FAM135B: variants seen among roughly 807,000 people sequenced by gnomAD.
The protein encoded by FAM135B is family with sequence similarity 135 member B.
Under a neutral mutation model 127.7 loss-of-function variants are expected in FAM135B, and 43 were observed. That is an observed-to-expected ratio of 0.34 (90% CI 0.26 to 0.43). The LOEUF (loss-of-function observed/expected upper bound fraction) is 0.43. Ranked by LOEUF, FAM135B falls within the 20% of genes least tolerant of loss-of-function variation. FAM135B has a pLI of 1.00. For missense variants in FAM135B, 1,558 were observed against 1,725.6 expected (o/e 0.90, Z 1.72); for synonymous variants, 670 against 665.1 (o/e 1.01, Z -0.11).
chr8:138,296,551 T>C (rs1825495531), intron 3 of FAM135B, among the ~76,000 whole-genome samples: 1 of 152,354 alleles, frequency 6.6e-6, no homozygotes, highest in Middle Eastern at 3.4e-3. Context: ...ATGGGTAGCA[T>C]TTGCTGAAGA....
At chr8:138,335,950 A>T (rs1828546818) in intron 2 of FAM135B, among the ~76,000 whole-genome samples, 2 of 152,274 alleles carry the variant, frequency 1.3e-5, no homozygotes, top group South Asian at 2.1e-4. Flanking sequence ...GGATTAAGAA[A>T]CTCACTCAAA....
At chr8:138,316,807 C>T (rs6984602) in intron 2 of FAM135B, among the ~76,000 whole-genome samples, 104,050 of 151,674 alleles carry the variant, frequency 0.69, 36,957 homozygotes, top group Non-Finnish European at 0.79. Context: ...GGTGAAACCC[C>T]GTCTCTACTA....
intron 1 of FAM135B, among the ~76,000 whole-genome samples, chr8:138,490,908 C>A (rs1411104820): frequency 6.6e-6 from 1 of 151,882 alleles, no homozygotes; most frequent in African/African-American, 2.4e-5. Flanking sequence ...TTTGGGGGGC[C>A]GAGGCGGGTG....
At chr8:138,479,346 C>T (rs1407953324) in intron 1 of FAM135B, among the ~76,000 whole-genome samples, 2 of 152,104 alleles carry the variant, frequency 1.3e-5, no homozygotes, top group South Asian at 2.1e-4. Flanking sequence ...GTTGGGAGGC[C>T]GGGGGTCTGG....
intron 3 of FAM135B, among the ~76,000 whole-genome samples, chr8:138,283,687 C>G (rs940080607): frequency 4.6e-5 from 7 of 151,832 alleles, no homozygotes; most frequent in Non-Finnish European, 1.0e-4. Context: ...AGGCCTTAGT[C>G]GAATACGAAA....
intron 8 of FAM135B, among the ~76,000 whole-genome samples, chr8:138,196,853 TG>T (rs1398126555): frequency 6.6e-6 from 1 of 152,186 alleles, no homozygotes; most frequent in Non-Finnish European, 1.5e-5. Context: ...TGAGCTGTCA[TG>T]GTTCTGCCAC....
intron 7 of FAM135B, among the ~76,000 whole-genome samples, chr8:138,206,106 TCACCTCCACCTACACACAGGCCAGC>T (rs1817534473): frequency 1.2e-5 from 1 of 86,692 alleles, no homozygotes; most frequent in Non-Finnish European, 2.4e-5. Context: ...GGCTCCAGCA[TCACCTCCACCTACACACAGGCCAGC>T]AGCACCTCCA....
chr8:138,486,239 T>C (rs1814979740), intron 1 of FAM135B, among the ~76,000 whole-genome samples: 1 of 151,812 alleles, frequency 6.6e-6, no homozygotes, highest in Admixed American at 6.6e-5. Flanking sequence ...CATGGCAAAG[T>C]TTCAGGAGAC....
chr8:138,363,339 A>G (rs1272384749), intron 2 of FAM135B, among the ~76,000 whole-genome samples: 1 of 152,134 alleles, frequency 6.6e-6, no homozygotes, highest in East Asian at 1.9e-4. Context: ...GCCCCACAAG[A>G]CAGACTTTGT....
chr8:138,164,292 G>A (rs1157110086), intron 12 of FAM135B, among the ~76,000 whole-genome samples: 1 of 152,096 alleles, frequency 6.6e-6, no homozygotes, highest in Non-Finnish European at 1.5e-5. Context: ...CAGGTCAGAG[G>A]TCCATGGAGA....
At chr8:138,227,211 A>C (rs1489178686) in intron 7 of FAM135B, among the ~76,000 whole-genome samples, 1 of 152,250 alleles carries the variant, frequency 6.6e-6, no homozygotes, top group Non-Finnish European at 1.5e-5. Context: ...ACCTCTGCTC[A>C]AATATGGATG....
At chr8:138,370,407 G>C (rs889353555) in intron 1 of FAM135B, among the ~76,000 whole-genome samples, 1 of 152,126 alleles carries the variant, frequency 6.6e-6, no homozygotes, top group Non-Finnish European at 1.5e-5. Flanking sequence ...CCATAATGCA[G>C]TGAGGAAGAT....
intron 1 of FAM135B, among the ~76,000 whole-genome samples, chr8:138,388,052 CAAT>C (rs1446590165): frequency 1.3e-5 from 2 of 152,118 alleles, no homozygotes; most frequent in Non-Finnish European, 2.9e-5. Flanking sequence ...ATTAAAACCA[CAAT>C]GAGATACCCC....
rs183899922 is a variant in FAM135B, at chr8:138,406,438, C to T, written c.-19-38436G>A. ...GCCAGCATCATCCTGATACCAAAGC[C>T]GGGCAGAGACACAACCAAAAAAGAG... On this transcript the variant is annotated intron_variant, in intron 1 of 19. Coordinates refer to ENST00000395297, the MANE Select transcript of FAM135B (RefSeq NM_015912.4). Among the ~76,000 whole-genome samples the T allele has an allele frequency of 6.0e-3, 909 of 151,426 alleles. 4 individuals carry two copies. Among genetic ancestry groups the T allele is most frequent in the African/African-American group, 0.01 (422 of 41,160 alleles).
At chr8:138,282,071 T>G (rs1209643020) in intron 3 of FAM135B, among the ~76,000 whole-genome samples, 1 of 152,230 alleles carries the variant, frequency 6.6e-6, no homozygotes, top group Non-Finnish European at 1.5e-5. Context: ...AAATGACATC[T>G]AGGACATAGC....
At chr8:138,200,816 C>T (rs376935788) in intron 7 of FAM135B, among the ~76,000 whole-genome samples, 1 of 152,166 alleles carries the variant, frequency 6.6e-6, no homozygotes, top group South Asian at 2.1e-4. Flanking sequence ...TATTGGAATT[C>T]TTTCTGATTA....
intron 1 of FAM135B, among the ~76,000 whole-genome samples, chr8:138,392,673 G>C (rs926626593): frequency 1.3e-5 from 2 of 152,186 alleles, no homozygotes; most frequent in Admixed American, 6.5e-5. Context: ...CCTTAGACAA[G>C]TAACTTAGTG....
At chr8:138,281,153 C>G (rs1824235515) in intron 3 of FAM135B, among the ~76,000 whole-genome samples, 1 of 152,142 alleles carries the variant, frequency 6.6e-6, no homozygotes, top group Non-Finnish European at 1.5e-5. Context: ...GTTGATTAAA[C>G]TACTATAGTC....
intron 7 of FAM135B, among the ~76,000 whole-genome samples, chr8:138,208,158 G>A (rs1350056284): frequency 6.6e-6 from 1 of 152,210 alleles, no homozygotes; most frequent in African/African-American, 2.4e-5. Context: ...CAGGAATTGA[G>A]GTTGGGGGTG....
Sources: allele counts gnomAD v4.1 joint callset (sites outside exome capture counted in the v4.1 genomes callset), GRCh38; gene constraint gnomAD v4.1.1; transcripts MANE v1.5; gene names NCBI Gene and HGNC (gene_info 2026-07-23, HGNC 2026-07-21).